Variants in SYNE1 observed in about 807,000 individuals in gnomAD.
The protein encoded by SYNE1 is nesprin-1.
A neutral mutation model predicts 1,111.0 loss-of-function variants in SYNE1; 616 were observed. The ratio of observed to expected loss-of-function variants is 0.55; its 90% CI spans 0.52 to 0.59. The LOEUF (loss-of-function observed/expected upper bound fraction) is 0.59, where lower values mean the gene tolerates loss of function less well. SYNE1 is among the 20% of genes least tolerant of loss of function. The pLI is 0.00. For synonymous variants in SYNE1, 3,855 were observed against 3,825.8 expected (o/e 1.01, Z -0.28); for missense variants, 10,006 against 10,417.0 (o/e 0.96, Z 1.72).
At position 152,339,230 on chromosome 6, in the gene SYNE1, C is replaced by A; in HGVS notation, c.12351+11G>T. The stretch of plus-strand genomic sequence containing the variant: ...AACAAACAAATTCAATGTGATTTTT[C>A]ATTTTCTTACCGTTTGCTCTGTTTG... On this transcript the variant is annotated intron_variant, in intron 75 of 145. Coordinates refer to ENST00000367255, the MANE Select transcript of SYNE1 (RefSeq NM_182961.4). 6.2e-7 allele frequency: 1 copy of A among 1,613,008 alleles called. No homozygotes were observed. Among genetic ancestry groups the A allele is most frequent in the Non-Finnish European group, 8.5e-7 (1 of 1,179,298 alleles).
In SYNE1 at chr6:152,297,460, C is replaced by T. The variant is rs60551418; in HGVS notation, c.17682+3181G>A. On this transcript the variant is annotated intron_variant, in intron 93 of 145. Transcript: ENST00000367255. ...CTTCTCTTGTAAGCATTTGCCTGTC[C>T]TCACACACACTGTAAGCTCCCTAAG... Among the ~76,000 whole-genome samples, 458 of 152,278 alleles carry T rather than the reference C, an allele frequency of 3.0e-3. 4 individuals carry two copies. Among genetic ancestry groups the T allele is most frequent in the African/African-American group, 1.0e-2 (414 of 41,544 alleles).
At chr6:152,298,066 G>C (rs2094975932) in intron 93 of SYNE1, among the ~76,000 whole-genome samples, 1 of 152,156 alleles carries the variant, frequency 6.6e-6, no homozygotes, top group African/African-American at 2.4e-5. Context: ...TAAGACTTAT[G>C]AGTAGATTCC....
At chr6:152,304,005 C>T (rs1184720865) in intron 91 of SYNE1, among the ~76,000 whole-genome samples, 2 of 147,806 alleles carry the variant, frequency 1.4e-5, no homozygotes, top group African/African-American at 4.8e-5. Context: ...TCCAGCAGAA[C>T]TCAGCCAGCA....
chr6:152,396,039 G>C (rs890182219), intron 50 of SYNE1, among the ~76,000 whole-genome samples: 1 of 152,150 alleles, frequency 6.6e-6, no homozygotes, highest in Non-Finnish European at 1.5e-5. Flanking sequence ...TTCATAGCTG[G>C]TAATTGCCAA....
At chr6:152,571,364 G>C (rs1196480608) in intron 3 of SYNE1, among the ~76,000 whole-genome samples, 2 of 152,068 alleles carry the variant, frequency 1.3e-5, no homozygotes, top group Non-Finnish European at 2.9e-5. Flanking sequence ...AAAATCAAGG[G>C]AAGAAAGAAA....
At chr6:152,504,730 C>T (rs2099048563) in intron 9 of SYNE1, among the ~76,000 whole-genome samples, 1 of 152,154 alleles carries the variant, frequency 6.6e-6, no homozygotes. Context: ...CACTCACGCC[C>T]TTACCAAAAA....
At chr6:152,247,742 T>TAC (rs1265509613) in intron 105 of SYNE1, among the ~76,000 whole-genome samples, 11 of 98,366 alleles carry the variant, frequency 1.1e-4, no homozygotes, top group African/African-American at 1.5e-4. Context: ...TATATATATA[T>TAC]ATATATATAC....
chr6:152,390,027 A>C (rs2097583157), intron 53 of SYNE1, among the ~76,000 whole-genome samples: 1 of 152,220 alleles, frequency 6.6e-6, no homozygotes, highest in African/African-American at 2.4e-5. Flanking sequence ...AGCCCATGTC[A>C]CATAAGATTC....
intron 11 of SYNE1, among the ~76,000 whole-genome samples, chr6:152,497,015 C>A (rs895732370): frequency 2.0e-5 from 3 of 152,088 alleles, no homozygotes; most frequent in Non-Finnish European, 1.5e-5. Flanking sequence ...CTGTAATTTT[C>A]CACTACCCAC....
chr6:152,241,200 C>A (rs979857477), intron 107 of SYNE1, among the ~76,000 whole-genome samples: 2 of 152,132 alleles, frequency 1.3e-5, no homozygotes, highest in Non-Finnish European at 2.9e-5. Flanking sequence ...TGGTCAACAA[C>A]GTGAGAAACA....
At chr6:152,286,453 A>C (rs901520087) in intron 95 of SYNE1, among the ~76,000 whole-genome samples, 2 of 152,206 alleles carry the variant, frequency 1.3e-5, no homozygotes, top group African/African-American at 4.8e-5. Context: ...GCACGGAGAA[A>C]GAGTTAACCC....
At chr6:152,431,002 T>C (rs1238299131) in intron 34 of SYNE1, among the ~76,000 whole-genome samples, 1 of 152,134 alleles carries the variant, frequency 6.6e-6, no homozygotes, top group Non-Finnish European at 1.5e-5. Context: ...ACTTACAGTA[T>C]CTCTGAAGGT....
At chr6:152,393,389 A>G (rs544229093) in intron 51 of SYNE1, among the ~76,000 whole-genome samples, 1 of 152,214 alleles carries the variant, frequency 6.6e-6, no homozygotes, top group South Asian at 2.1e-4. Flanking sequence ...GTTATATTGT[A>G]TCTAGACACG....
At chr6:152,252,782 A>C (rs2153607017) in intron 104 of SYNE1, among the ~76,000 whole-genome samples, 1 of 152,350 alleles carries the variant, frequency 6.6e-6, no homozygotes. Flanking sequence ...TGAGCTGGCC[A>C]CCAACAAATA....
chr6:152,187,996 G>C (rs2070745598), intron 128 of SYNE1, among the ~76,000 whole-genome samples: 1 of 152,172 alleles, frequency 6.6e-6, no homozygotes, highest in African/African-American at 2.4e-5. Flanking sequence ...AAAGTGCTGG[G>C]ACTACAGTCA....
At chr6:152,496,648 C>T (rs1290541389) in intron 11 of SYNE1, among the ~76,000 whole-genome samples, 1 of 152,102 alleles carries the variant, frequency 6.6e-6, no homozygotes, top group Non-Finnish European at 1.5e-5. Flanking sequence ...TCAGCCCAAT[C>T]CTGCTCGAAG....
chr6:152,281,738 T>G, intron 97 of SYNE1, 69 bp downstream of exon 97: 1 of 1,552,354 alleles, frequency 6.4e-7, no homozygotes, highest in South Asian at 1.1e-5. Context: ...CTTTTTATAG[T>G]ATGTTTTCTG....
Position 152,244,671 on chromosome 6 carries a change from T to C in SYNE1, c.19573-15A>G. 1 of 1,613,790 alleles carries C rather than the reference T, an allele frequency of 6.2e-7. No individual in the cohort carries two copies. The highest frequency in any genetic ancestry group is 8.5e-7 in the Non-Finnish European group (1 of 1,179,754). Reference sequence around the variant, plus strand: ...TGTTGTATTGCCTAAGTAAGATCCATGACATTTTATTAAAACTCCCATGAA... The same window carrying C: ...TGTTGTATTGCCTAAGTAAGATCCACGACATTTTATTAAAACTCCCATGAA... On this transcript the variant is annotated splice_polypyrimidine_tract_variant and intron_variant, in intron 105 of 145. Transcript: ENST00000367255.
chr6:152,291,490 G>A (rs2094605160), intron 95 of SYNE1, among the ~76,000 whole-genome samples: 1 of 152,078 alleles, frequency 6.6e-6, no homozygotes, highest in Non-Finnish European at 1.5e-5. Context: ...GAATTAATGT[G>A]CAATTTTGAG....
Sources: allele counts gnomAD v4.1 joint callset (sites outside exome capture counted in the v4.1 genomes callset), GRCh38; gene constraint gnomAD v4.1.1; transcripts MANE v1.5; gene names NCBI Gene and HGNC (gene_info 2026-07-23, HGNC 2026-07-21).